The following FHOD3 variants were observed in gnomAD, a reference collection of about 807,000 sequenced individuals.
The protein encoded by FHOD3 is formin homology 2 domain containing 3, also known as FH1/FH2 domain-containing protein 3.
Under a neutral mutation model 173.0 loss-of-function variants are expected in FHOD3, and 90 were observed. That is an observed-to-expected ratio of 0.52 (90% CI 0.44 to 0.62). The LOEUF is 0.62. FHOD3 is among the 20% of genes least tolerant of loss of function. The pLI is 0.00. For synonymous variants in FHOD3, 828 were observed against 823.0 expected (o/e 1.01, Z -0.10); for missense variants, 1,945 against 2,034.7 (o/e 0.96, Z 0.85).
chr18:36,671,719 C>T (rs1440723764), intron 14 of FHOD3, among the ~76,000 whole-genome samples: 1 of 152,200 alleles, frequency 6.6e-6, no homozygotes, highest in Admixed American at 6.5e-5. Flanking sequence ...TTGCTCATAT[C>T]ACTGAAGTAG....
intron 5 of FHOD3, among the ~76,000 whole-genome samples, chr18:36,552,105 A>G (rs369875679): frequency 6.6e-6 from 1 of 152,128 alleles, no homozygotes; most frequent in Non-Finnish European, 1.5e-5. Context: ...CCATTTTCAC[A>G]ATATTGATTC....
intron 5 of FHOD3, among the ~76,000 whole-genome samples, chr18:36,519,053 A>G (rs1261983998): frequency 6.6e-6 from 1 of 152,082 alleles, no homozygotes; most frequent in Non-Finnish European, 1.5e-5. Flanking sequence ...GCTTCCCTGG[A>G]GTGTTCTGCA....
intron 3 of FHOD3, among the ~76,000 whole-genome samples, chr18:36,445,795 G>A (rs2051433994): frequency 6.6e-6 from 1 of 152,158 alleles, no homozygotes; most frequent in Non-Finnish European, 1.5e-5. Flanking sequence ...GAAATCATGG[G>A]CATGTCCAGG....
rs553562625 is a variant in FHOD3, at chr18:36,379,146, A to T, written c.337+6402A>T. Among the ~76,000 whole-genome samples, 14 of 152,374 alleles carry T rather than the reference A, an allele frequency of 9.2e-5. 1 individual carries two copies. In the South Asian group the frequency reaches 2.5e-3, roughly 27 times the overall value. On this transcript the variant is annotated intron_variant, in intron 3 of 28. Transcript: ENST00000590592. ...GGCTTTACCATCTACAGACATGCGG[A>T]TAAACAGAAATACAGAGGATGAATA...
chr18:36,587,319 G>T (rs1423360953), intron 6 of FHOD3, among the ~76,000 whole-genome samples: 4 of 152,200 alleles, frequency 2.6e-5, no homozygotes, highest in African/African-American at 4.8e-5. Context: ...GGCCAAGTGA[G>T]CGGCCACCCT....
chr18:36,479,478 CATAAGTTTACAGCTTTTGAAA>C (rs1271874068), intron 3 of FHOD3, among the ~76,000 whole-genome samples: 1 of 152,100 alleles, frequency 6.6e-6, no homozygotes, highest in Non-Finnish European at 1.5e-5. Context: ...TTGGTAGTGT[CATAAGTTTACAGCTTTTGAAA>C]ATTTCTGCCA....
At chr18:36,712,902 A>G (rs373954655) in intron 18 of FHOD3, among the ~76,000 whole-genome samples, 9 of 152,280 alleles carry the variant, frequency 5.9e-5, no homozygotes, top group African/African-American at 1.7e-4. Flanking sequence ...ATAGGGGAAC[A>G]CCAGTCCAAA....
Position 36,514,014 on chromosome 18 carries a change from C to CTTTT in FHOD3, c.511+1480_511+1483dup, listed in dbSNP as rs58493993. On this transcript the variant is annotated intron_variant, in intron 5 of 28. Coordinates refer to ENST00000590592, the MANE Select transcript of FHOD3 (RefSeq NM_001281740.3). ...ATTGCTGAATTTTGCTATTTCTATTCTTTTTTTTTTTTGAGATGGAGTCTT... is the reference window on the plus strand; with the variant it reads ...ATTGCTGAATTTTGCTATTTCTATTCTTTTTTTTTTTTTTTTGAGATGGAGTCTT... Among the ~76,000 whole-genome samples the CTTTT allele has an allele frequency of 1.4e-4, 15 of 104,660 alleles. 2 individuals are homozygous for CTTTT. In the South Asian group the frequency reaches 2.6e-3, roughly 18 times the overall value. 68.7% of individuals were successfully genotyped at this position (104,660 alleles called of 152,430 possible). A position where few individuals can be genotyped will look rare whatever the true frequency, so the allele number is the denominator to read the frequency against.
At chr18:36,391,317 T>C (rs1026017867) in intron 3 of FHOD3, among the ~76,000 whole-genome samples, 9 of 152,134 alleles carry the variant, frequency 5.9e-5, no homozygotes, top group South Asian at 2.1e-4. Flanking sequence ...GCCATTTTTC[T>C]TAGGATTGGT....
chr18:36,716,946 GTGTGTGTA>G (rs1367622048), intron 18 of FHOD3, among the ~76,000 whole-genome samples: 1 of 151,352 alleles, frequency 6.6e-6, no homozygotes, highest in African/African-American at 2.4e-5. Context: ...GTGTGTGTGT[GTGTGTGTA>G]TGTGTTAATG....
At chr18:36,326,987 C>G (rs1479125459) in intron 1 of FHOD3, among the ~76,000 whole-genome samples, 1 of 152,112 alleles carries the variant, frequency 6.6e-6, no homozygotes, top group Non-Finnish European at 1.5e-5. Context: ...CTTGCTGGGA[C>G]CGGTTATCTT....
chr18:36,510,161 C>T (rs1311231841), intron 4 of FHOD3, among the ~76,000 whole-genome samples: 2 of 152,134 alleles, frequency 1.3e-5, no homozygotes, highest in African/African-American at 4.8e-5. Context: ...TTGAATATTC[C>T]TTGACCAATA....
chr18:36,422,941 A>G (rs1413395520), intron 3 of FHOD3, among the ~76,000 whole-genome samples: 2 of 152,136 alleles, frequency 1.3e-5, no homozygotes, highest in Non-Finnish European at 2.9e-5. Context: ...TTTTAATGTG[A>G]GAAAGGAAAC....
At chr18:36,356,920 C>A (rs1367524468) in intron 2 of FHOD3, among the ~76,000 whole-genome samples, 1 of 152,180 alleles carries the variant, frequency 6.6e-6, no homozygotes, top group Non-Finnish European at 1.5e-5. Flanking sequence ...AGGCGTGAGT[C>A]ACCATACCCA....
Position 36,649,378 on chromosome 18 carries a change from A to G in FHOD3, c.1259A>G (p.Asp420Gly), listed in dbSNP as rs749298152. ...TEPSSEEERE[D>G]DASCQGKDSK... ...CCCAGTTCCGAAGAAGAGAGAGAGGATGATGCTTCCTGTCAGGGCAAGGAC... is the reference window on the plus strand; with the variant it reads ...CCCAGTTCCGAAGAAGAGAGAGAGGGTGATGCTTCCTGTCAGGGCAAGGAC... The change falls in exon 11 of 29, where the codon GAT becomes GGT. Residue 420 changes from aspartate to glycine, a missense_variant. Around this residue, in one of 5 missense-constraint regions of FHOD3, gnomAD observed 1,099 missense variants for 1,051.2 expected, o/e 1.05. Transcript: ENST00000590592. 2.0e-6 allele frequency: 3 copies of G among 1,535,672 alleles called. No individual in the cohort carries two copies. The highest frequency in any genetic ancestry group is 2.0e-5 in the Admixed American group (1 of 50,972).
At chr18:36,664,777 T>TGAGAGAGAGAGA (rs373836211) in intron 14 of FHOD3, among the ~76,000 whole-genome samples, 1,992 of 129,454 alleles carry the variant, frequency 0.015, 35 homozygotes, top group Non-Finnish European at 0.021. Context: ...TGTGTGTATG[T>TGAGAGAGAGAGA]GAGAGAGAGA....
At chr18:36,553,891 T>C (rs1189122807) in intron 5 of FHOD3, among the ~76,000 whole-genome samples, 2 of 152,168 alleles carry the variant, frequency 1.3e-5, no homozygotes, top group Non-Finnish European at 2.9e-5. Context: ...AAAAAATGCT[T>C]ATCATCACTG....
chr18:36,414,156 G>C (rs534297603), intron 3 of FHOD3, among the ~76,000 whole-genome samples: 3 of 152,174 alleles, frequency 2.0e-5, no homozygotes, highest in Non-Finnish European at 4.4e-5. Flanking sequence ...AGATGAACAA[G>C]ATGGAAAGAA....
chr18:36,644,214 A>C (rs1295428976), intron 10 of FHOD3, among the ~76,000 whole-genome samples: 1 of 152,220 alleles, frequency 6.6e-6, no homozygotes, highest in Non-Finnish European at 1.5e-5. Context: ...AGACCTGTGG[A>C]GGTATTGGAA....
Sources: allele counts gnomAD v4.1 joint callset (sites outside exome capture counted in the v4.1 genomes callset), GRCh38; gene constraint gnomAD v4.1.1; regional missense constraint gnomAD v4.1.1; transcripts MANE v1.5; gene names NCBI Gene and HGNC (gene_info 2026-07-23, HGNC 2026-07-21).